The following RIMS3 variants were observed in gnomAD, a reference collection of about 807,000 sequenced individuals.
The protein encoded by RIMS3 is regulating synaptic membrane exocytosis protein 3.
Under a neutral mutation model 29.2 loss-of-function variants are expected in RIMS3, and 15 were observed. That is an observed-to-expected ratio of 0.51 (90% CI 0.34 to 0.79). The LOEUF (loss-of-function observed/expected upper bound fraction) is 0.79. RIMS3 is among the 30% of genes least tolerant of loss of function. RIMS3 has a pLI of 0.01. For synonymous variants in RIMS3, 161 were observed against 170.1 expected, an observed-to-expected ratio of 0.95 and a Z score of 0.41; for missense variants, 342 against 421.4, an observed-to-expected ratio of 0.81 and a Z score of 1.65.
chr1:40,662,086 AT>A (rs759326736), intron 1 of RIMS3, among the ~76,000 whole-genome samples: 6 of 152,192 alleles, frequency 3.9e-5, no homozygotes, highest in Non-Finnish European at 8.8e-5. Flanking sequence ...AGACCCTAAC[AT>A]TCTGGGGAAA....
At chr1:40,631,447 C>A (rs201026051) in intron 5 of RIMS3, among the ~76,000 whole-genome samples, 1 of 152,088 alleles carries the variant, frequency 6.6e-6, no homozygotes, top group Non-Finnish European at 1.5e-5. Flanking sequence ...CCAAGGCAGG[C>A]GGATTGCCTG....
chr1:40,666,098 A>G (rs1642422150), upstream of RIMS3, among the ~76,000 whole-genome samples: 1 of 152,216 alleles, frequency 6.6e-6, no homozygotes, highest in South Asian at 2.1e-4. Context: ...CATTTTACAG[A>G]TGGAAAATCT....
chr1:40,623,996 G>A lies in RIMS3; in HGVS notation c.*2521C>T, dbSNP rs897537889. 1.3e-5 allele frequency: 2 copies of A among 152,728 alleles called. No homozygotes were observed. The highest frequency in any genetic ancestry group is 1.3e-4 in the Admixed American group (2 of 15,280). The allele number at this position is 152,728 out of a possible 1,614,324, so 9.5% of individuals were successfully genotyped here. ...GGTGGAATAGTGGAGTGGCCCAACT[G>A]CTGAGCAGTTTTGGCAGCCAGGGAC... On this transcript the variant is annotated 3_prime_UTR_variant, in exon 8 of 8. Coordinates refer to ENST00000372684, the MANE Select transcript of RIMS3 (RefSeq NM_014747.3).
At chr1:40,667,346 T>C (rs368521583), upstream of RIMS3, among the ~76,000 whole-genome samples, 1 of 151,768 alleles carries the variant, frequency 6.6e-6, no homozygotes, top group South Asian at 2.1e-4. Flanking sequence ...GGGGACTAGA[T>C]TAGGGGAGGT....
At chr1:40,650,390 C>T (rs1414155088) in intron 1 of RIMS3, among the ~76,000 whole-genome samples, 2 of 152,188 alleles carry the variant, frequency 1.3e-5, no homozygotes, top group East Asian at 3.9e-4. Context: ...ATGAATCTCT[C>T]CTGCTTGACA....
chr1:40,647,664 T>A lies in RIMS3; in HGVS notation c.-32+4A>T, dbSNP rs1184645735. 1.3e-5 allele frequency: 2 copies of A among 152,136 alleles called. No individual in the cohort carries two copies. The highest frequency in any genetic ancestry group is 4.8e-5 in the African/African-American group (2 of 41,400). The allele number at this position is 152,136 out of a possible 1,614,324, so 9.4% of individuals were successfully genotyped here. On this transcript the variant is annotated splice_donor_region_variant and intron_variant, in intron 2 of 7. Transcript: ENST00000372684. ...CCCTTCACCTGGAAGAAAACCCAACTCACCGAACTGATGAATCTGAGCCTG... is the reference window on the plus strand; with the variant it reads ...CCCTTCACCTGGAAGAAAACCCAACACACCGAACTGATGAATCTGAGCCTG...
rs184708940 is a variant in RIMS3, at chr1:40,635,400, C to G, written c.359+516G>C. On this transcript the variant is annotated intron_variant, in intron 4 of 7. Transcript: ENST00000372684. This position sits in a 1 kb window ranked among gnomAD's most constrained non-coding sequence, Gnocchi z 4.1. ...TTTATTCTTACTTCATAAGATATGT[C>G]TATTTCTTTTTCTAATGCTGGTTTT... is the stretch of plus-strand genomic sequence containing the variant. 1.3e-5 allele frequency among the ~76,000 whole-genome samples: 2 copies of G among 152,160 alleles called. No homozygotes were observed. Among genetic ancestry groups the G allele is most frequent in the African/African-American group, 2.4e-5 (1 of 41,434 alleles).
intron 1 of RIMS3, among the ~76,000 whole-genome samples, chr1:40,660,159 G>T (rs76773816): frequency 0.026 from 3,912 of 152,220 alleles, 75 homozygotes; most frequent in Middle Eastern, 0.061. Flanking sequence ...CTGGTTATAG[G>T]GGTGTGGGAC....
rs946350509 is a variant in RIMS3, at chr1:40,641,552, C to T, written c.217+157G>A. Among the ~76,000 whole-genome samples, 7 of 152,242 alleles carry T rather than the reference C, an allele frequency of 4.6e-5. No homozygotes were observed. The East Asian group carries it at 1.3e-3, about 29-fold the overall frequency. ...TCCATGGAGATTTAATCAGTCCATA[C>T]ACCTACTGGACCTAGAACAGCACCT... On this transcript the variant is annotated intron_variant, in intron 3 of 7. Transcript: ENST00000372684.
rs559812569 is a variant in RIMS3 at position 40,621,291 on chromosome 1, G to A, written c.*5226C>T. The A allele has an allele frequency of 6.6e-6, 1 of 152,322 alleles. No individual in the cohort carries two copies. Among genetic ancestry groups the A allele is most frequent in the East Asian group, 1.9e-4 (1 of 5,192 alleles). The allele number at this position is 152,322 out of a possible 1,614,324, so 9.4% of individuals were successfully genotyped here. ...CTGACTTACTCAGGATGTAGCGGAGGTTGTGACATCACATCAGCACCTTGA... is the reference window on the plus strand; with the variant it reads ...CTGACTTACTCAGGATGTAGCGGAGATTGTGACATCACATCAGCACCTTGA... On this transcript the variant is annotated 3_prime_UTR_variant, in exon 8 of 8. Transcript: ENST00000372684.
At chr1:40,663,813 G>A (rs760838306) in intron 1 of RIMS3, among the ~76,000 whole-genome samples, 2 of 152,124 alleles carry the variant, frequency 1.3e-5, no homozygotes, top group Non-Finnish European at 2.9e-5. Flanking sequence ...GCTCCTGCAC[G>A]CCCGCCCAGC....
chr1:40,665,859 CG>C (rs1379935062), upstream of RIMS3, among the ~76,000 whole-genome samples: 1 of 152,144 alleles, frequency 6.6e-6, no homozygotes, highest in Non-Finnish European at 1.5e-5. Context: ...TTCCAAGAAG[CG>C]GGGTCTGGGG....
intron 3 of RIMS3, among the ~76,000 whole-genome samples, chr1:40,638,234 C>A (rs549878501): frequency 6.6e-6 from 1 of 152,262 alleles, no homozygotes; most frequent in African/African-American, 2.4e-5. Flanking sequence ...GCTCTTTTCA[C>A]TCCCCTCCCA....
At chr1:40,671,649 T>A in the RIMS3 span, among the ~76,000 whole-genome samples, 1 of 152,090 alleles carries the variant, frequency 6.6e-6, no homozygotes, top group Admixed American at 6.6e-5. Context: ...CCTTCAGCCA[T>A]GATTGGAAGC....
At chr1:40,647,916 G>A (rs1158906095) in intron 1 of RIMS3, 74 bp from the exon 2 acceptor site, 1 of 152,136 alleles carries the variant, frequency 6.6e-6, no homozygotes, top group Non-Finnish European at 1.5e-5. Context: ...AGTAGATTGT[G>A]GCATAAAAAG....
intron 1 of RIMS3, among the ~76,000 whole-genome samples, chr1:40,655,311 T>C (rs760677052): frequency 6.6e-6 from 1 of 151,938 alleles, no homozygotes; most frequent in African/African-American, 2.4e-5. Context: ...GCCTGTGTTA[T>C]ACATAGGAAG....
intron 3 of RIMS3, among the ~76,000 whole-genome samples, chr1:40,640,191 A>T (rs1215772935): frequency 6.6e-6 from 1 of 151,780 alleles, no homozygotes; most frequent in Non-Finnish European, 1.5e-5. Context: ...TCTAATCTTA[A>T]TCTCACTCCT....
the RIMS3 span, among the ~76,000 whole-genome samples, chr1:40,675,302 C>G: frequency 1.3e-5 from 2 of 151,078 alleles, no homozygotes; most frequent in East Asian, 2.0e-4. Context: ...AAGAAATTGT[C>G]AGGTGGCAGA....
rs920746167 is a variant in RIMS3, at chr1:40,620,998, G to A, written c.*5519C>T. 1 of 152,520 alleles carries A rather than the reference G, an allele frequency of 6.6e-6. No homozygotes were observed. Among genetic ancestry groups the A allele is most frequent in the African/African-American group, 2.4e-5 (1 of 41,472 alleles). The allele number at this position is 152,520 out of a possible 1,614,324, so 9.4% of individuals were successfully genotyped here. A position where few individuals can be genotyped will look rare whatever the true frequency, so the allele number is the denominator to read the frequency against. On this transcript the variant is annotated 3_prime_UTR_variant, in exon 8 of 8. Transcript: ENST00000372684. ...AAAAAGGGGTTCTTGCCTTCTGTGAGTTTACATGCTAAAGGAGTTGGTTGA... is the reference window on the plus strand; with the variant it reads ...AAAAAGGGGTTCTTGCCTTCTGTGAATTTACATGCTAAAGGAGTTGGTTGA...
Sources: gnomAD v4.1 joint callset for allele counts (sites outside exome capture counted in the v4.1 genomes callset) on GRCh38, gnomAD v4.1.1 for gene constraint, Gnocchi (gnomAD v3.1) non-coding constraint, MANE v1.5 for transcripts, NCBI Gene and HGNC (gene_info 2026-07-23, HGNC 2026-07-21) for gene names.